The following ADCY7 variants were observed in gnomAD, a reference collection of about 807,000 sequenced individuals.
ADCY7 encodes adenylate cyclase 7.
A neutral mutation model predicts 120.6 loss-of-function variants in ADCY7; 72 were observed. That is an observed-to-expected ratio of 0.60 (90% CI 0.49 to 0.73). The LOEUF (loss-of-function observed/expected upper bound fraction) is 0.73. Ranked by LOEUF, ADCY7 falls within the 30% of genes least tolerant of loss-of-function variation. The probability of loss-of-function intolerance (pLI) is 0.00; values close to 1 mark genes in which losing one functional copy is unlikely to be tolerated. For missense variants in ADCY7, 1,227 were observed against 1,486.0 expected, an observed-to-expected ratio of 0.83 and a Z score of 2.87; for synonymous variants, 661 against 628.0, an observed-to-expected ratio of 1.05 and a Z score of -0.78.
At chr16:50,296,039 C>A (rs2035329114) in intron 7 of ADCY7, among the ~76,000 whole-genome samples, 1 of 152,216 alleles carries the variant, frequency 6.6e-6, no homozygotes, top group Non-Finnish European at 1.5e-5. Context: ...CCCATGTCCA[C>A]ACCCATCAGA....
chr16:50,304,806 C>T lies in ADCY7; in HGVS notation c.1561-119C>T, dbSNP rs559163820. The T allele has an allele frequency of 9.9e-5, 139 of 1,399,470 alleles. 1 individual carries two copies. In the Middle Eastern group the frequency reaches 1.1e-3, roughly 11 times the overall value. The allele number at this position is 1,399,470 out of a possible 1,614,324, so 86.7% of individuals were successfully genotyped here. ...ATAGTCAGGATGTCTGTGGCTTGGACGACCCCGACACCTTGTCCTGTGTAT... is the reference window on the plus strand; with the variant it reads ...ATAGTCAGGATGTCTGTGGCTTGGATGACCCCGACACCTTGTCCTGTGTAT... On this transcript the variant is annotated intron_variant, in intron 11 of 25. Coordinates refer to ENST00000673801, the MANE Select transcript of ADCY7 (RefSeq NM_001114.5).
chr16:50,275,071 C>T (rs1428126360), intron 1 of ADCY7, among the ~76,000 whole-genome samples: 2 of 152,210 alleles, frequency 1.3e-5, no homozygotes, highest in Non-Finnish European at 2.9e-5. Flanking sequence ...GCACTTGGAG[C>T]TGTTTTCCTG....
At chr16:50,257,908 AATTTTTTTGT>A (rs1198746481) in intron 1 of ADCY7, among the ~76,000 whole-genome samples, 1 of 151,788 alleles carries the variant, frequency 6.6e-6, no homozygotes, top group Non-Finnish European at 1.5e-5. Flanking sequence ...ACACCAGGCT[AATTTTTTTGT>A]ATTTTTTGTA....
intron 11 of ADCY7, 126 bp downstream of exon 11, chr16:50,304,677 T>C: frequency 3.7e-6 from 4 of 1,088,116 alleles, no homozygotes; most frequent in Non-Finnish European, 5.3e-6. Context: ...CCACAGCCTC[T>C]GCCCCACCTC....
intron 1 of ADCY7, among the ~76,000 whole-genome samples, chr16:50,260,204 G>T (rs1209184126): frequency 6.6e-6 from 1 of 152,210 alleles, no homozygotes; most frequent in East Asian, 1.9e-4. Context: ...GGTCAATCTG[G>T]CAGAAATGTC....
intron 19 of ADCY7, 86 bp from the exon 20 acceptor site, chr16:50,311,606 CT>C: frequency 2.1e-6 from 2 of 939,152 alleles, no homozygotes; most frequent in Non-Finnish European, 3.5e-6. Context: ...CCCCTTTCCC[CT>C]GGGTGTGCGT....
At chr16:50,309,404 G>A (rs893998434) in intron 17 of ADCY7, 144 bp from the exon 18 acceptor site, 2 of 639,314 alleles carry the variant, frequency 3.1e-6, no homozygotes, top group Non-Finnish European at 5.3e-6. Context: ...TCGGCACGGC[G>A]GCTTGAGCCG....
Position 50,312,034 on chromosome 16 carries a change from A to C in ADCY7, c.2449-2A>C. ...GGGCGCTTATGTTGCTGCCGTTTGC[A>C]GATTGACTATTACTGCCGCTTGGAC... On this transcript the variant is annotated splice_acceptor_variant, in intron 20 of 25. Transcript: ENST00000673801. LOFTEE classifies it high-confidence loss of function. 6.2e-7 allele frequency: 1 copy of C among 1,614,092 alleles called. No homozygotes were observed. Among genetic ancestry groups the C allele is most frequent in the Non-Finnish European group, 8.5e-7 (1 of 1,179,944 alleles).
intron 1 of ADCY7, among the ~76,000 whole-genome samples, chr16:50,251,398 G>A (rs976595325): frequency 7.2e-5 from 11 of 152,154 alleles, no homozygotes; most frequent in African/African-American, 1.9e-4. Context: ...TATGGGCAAC[G>A]TGTGTCCCAT....
At chr16:50,293,899 T>G (rs1413962539) in intron 6 of ADCY7, among the ~76,000 whole-genome samples, 2 of 152,154 alleles carry the variant, frequency 1.3e-5, no homozygotes, top group Non-Finnish European at 2.9e-5. Context: ...ACACCTGTCT[T>G]TGGCTGATTT....
At position 50,311,550 on chromosome 16, in the gene ADCY7, C is replaced by T. The variant is rs1234205587; in HGVS notation, c.2355-143C>T. On this transcript the variant is annotated intron_variant, in intron 19 of 25. Transcript: ENST00000673801. ...CCTCTCCCCTCCCCCCTTTATAATACCCCAAAGTTGTCTTGTTTTCTACCC... is the reference window on the plus strand; with the variant it reads ...CCTCTCCCCTCCCCCCTTTATAATATCCCAAAGTTGTCTTGTTTTCTACCC... 9 of 506,490 alleles carry T rather than the reference C, an allele frequency of 1.8e-5. 1 individual carries two copies. Among genetic ancestry groups the T allele is most frequent in the Non-Finnish European group, 3.1e-5 (8 of 261,162 alleles). The allele number at this position is 506,490 out of a possible 1,614,324, so 31.4% of individuals were successfully genotyped here. A position where few individuals can be genotyped will look rare whatever the true frequency, so the allele number is the denominator to read the frequency against.
intron 1 of ADCY7, among the ~76,000 whole-genome samples, chr16:50,248,585 A>G (rs979061753): frequency 2.0e-5 from 3 of 152,232 alleles, no homozygotes; most frequent in African/African-American, 7.2e-5. Context: ...AATTTAGGGT[A>G]TCTTTGGGGG....
intron 1 of ADCY7, among the ~76,000 whole-genome samples, chr16:50,258,219 G>A (rs1350835778): frequency 3.3e-5 from 5 of 152,146 alleles, no homozygotes; most frequent in Non-Finnish European, 5.9e-5. Context: ...CTGGGTGACA[G>A]AGAGAGCCCC....
In ADCY7 at chr16:50,308,415, A is replaced by G. The variant is rs747722133; in HGVS notation, c.1935+4A>G. ...GTGCTTTGCCACCAAGTTCTCGGTA[A>G]GTGGGGAGCTCTGGCCCCGCGGGCC... On this transcript the variant is annotated splice_donor_region_variant and intron_variant, in intron 16 of 25. Transcript: ENST00000673801. 1.2e-6 allele frequency: 2 copies of G among 1,614,094 alleles called. No homozygotes were observed. The highest frequency in any genetic ancestry group is 2.2e-5 in the South Asian group (2 of 91,086).
In ADCY7 at chr16:50,311,810, C is replaced by CCT. The variant is rs771488472; in HGVS notation, c.2448+25_2448+26insTC. ...AGGTAAGGAGGCTGGCCCCCCCCCC[C>CCT]CCCCCAAGCTCTGCCCACTTTTCCT... On this transcript the variant is annotated intron_variant, in intron 20 of 25. Coordinates refer to ENST00000673801, the MANE Select transcript of ADCY7 (RefSeq NM_001114.5). The CCT allele has an allele frequency of 1.1e-5, 15 of 1,343,086 alleles. No homozygotes were observed. In the East Asian group the frequency reaches 1.1e-4, roughly 10 times the overall value. The allele number at this position is 1,343,086 out of a possible 1,614,324, so 83.2% of individuals were successfully genotyped here. A position where few individuals can be genotyped will look rare whatever the true frequency, so the allele number is the denominator to read the frequency against.
At chr16:50,273,888 G>A (rs975882474) in intron 1 of ADCY7, among the ~76,000 whole-genome samples, 1 of 152,208 alleles carries the variant, frequency 6.6e-6, no homozygotes, top group Non-Finnish European at 1.5e-5. Flanking sequence ...TGGACGTGCA[G>A]CCAGGTAGTG....
Position 50,315,465 on chromosome 16 carries a change from G to A in ADCY7, c.3203G>A (p.Cys1068Tyr), listed in dbSNP as rs2036759220. ...GGCGAGCTGAGGACTTACTTTGTCT[G>A]TACGGACACTGCCAAGTTTCAGGGG... The part of the protein sequence containing the change: ...GKGELRTYFV[C>Y]TDTAKFQGLG... Residue 1068 changes from cysteine (C) to tyrosine (Y), a missense_variant, in exon 26 of 26, where the codon TGT becomes TAT. Cys to Tyr is a radical substitution (Grantham distance 194). This residue lies in a region of ADCY7 where 244 missense variants were observed against 332.8 expected (regional missense o/e 0.73). Transcript: ENST00000673801. 2 of 1,613,594 alleles carry A rather than the reference G, an allele frequency of 1.2e-6. No homozygotes were observed. The highest frequency in any genetic ancestry group is 2.7e-5 in the African/African-American group (2 of 74,936).
chr16:50,285,361 CT>C (rs2150928977), intron 1 of ADCY7, among the ~76,000 whole-genome samples: 1 of 152,320 alleles, frequency 6.6e-6, no homozygotes, highest in South Asian at 2.1e-4. Flanking sequence ...CATTTTGTTC[CT>C]GGTGTGTGGT....
At chr16:50,295,473 C>T (rs1006784342) in intron 7 of ADCY7, among the ~76,000 whole-genome samples, 7 of 149,388 alleles carry the variant, frequency 4.7e-5, no homozygotes, top group African/African-American at 1.7e-4. Context: ...GGATTACAGC[C>T]GTGGGCCACC....
Sources: gnomAD v4.1 joint callset for allele counts (sites outside exome capture counted in the v4.1 genomes callset) on GRCh38, gnomAD v4.1.1 for gene constraint, gnomAD v4.1.1 regional missense constraint, MANE v1.5 for transcripts, NCBI Gene and HGNC (gene_info 2026-07-23, HGNC 2026-07-21) for gene names.